FBXL7: variants seen among roughly 807,000 people sequenced by gnomAD.
FBXL7 encodes the protein F-box and leucine rich repeat protein 7.
A neutral mutation model predicts 38.3 loss-of-function variants in FBXL7; 12 were observed. The ratio of observed to expected loss-of-function variants is 0.31; its 90% CI spans 0.20 to 0.51. FBXL7 has a LOEUF of 0.51. Ranked by LOEUF, FBXL7 falls within the 20% of genes least tolerant of loss-of-function variation. The probability of loss-of-function intolerance (pLI) is 0.98; values close to 1 mark genes in which losing one functional copy is unlikely to be tolerated. For missense variants in FBXL7, 567 were observed against 676.4 expected (o/e 0.84, Z 1.79); for synonymous variants, 297 against 300.9 (o/e 0.99, Z 0.13).
At chr5:15,626,639 G>T (rs1287022242) in intron 2 of FBXL7, among the ~76,000 whole-genome samples, 2 of 151,938 alleles carry the variant, frequency 1.3e-5, no homozygotes, top group African/African-American at 4.8e-5. Context: ...AGAGCTCTCA[G>T]TGCCTTTATG....
intron 1 of FBXL7, among the ~76,000 whole-genome samples, chr5:15,540,440 C>T (rs982864701): frequency 1.3e-5 from 2 of 152,168 alleles, no homozygotes; most frequent in East Asian, 1.9e-4. Context: ...CTCCTACCTG[C>T]CTCTCTAACT....
At chr5:15,934,409 C>T (rs761123613) in intron 3 of FBXL7, among the ~76,000 whole-genome samples, 8 of 151,934 alleles carry the variant, frequency 5.3e-5, no homozygotes, top group East Asian at 3.9e-4. Flanking sequence ...GTATACTGTA[C>T]GTGTTTTTAT....
At chr5:15,712,760 G>T (rs1743917629) in intron 2 of FBXL7, among the ~76,000 whole-genome samples, 1 of 152,106 alleles carries the variant, frequency 6.6e-6, no homozygotes, top group Non-Finnish European at 1.5e-5. Flanking sequence ...AATATTGAGG[G>T]TGGCATTGCT....
intron 2 of FBXL7, among the ~76,000 whole-genome samples, chr5:15,619,575 T>C (rs1211210256): frequency 6.6e-6 from 1 of 152,212 alleles, no homozygotes; most frequent in African/African-American, 2.4e-5. Context: ...TTGATTATGG[T>C]TATTTTCTTC....
chr5:15,660,807 G>A (rs1742040630), intron 2 of FBXL7, among the ~76,000 whole-genome samples: 1 of 152,150 alleles, frequency 6.6e-6, no homozygotes, highest in African/African-American at 2.4e-5. Context: ...TAGCCAAGGT[G>A]GGCTGTTAAG....
chr5:15,861,136 G>A (rs184196784), intron 2 of FBXL7, among the ~76,000 whole-genome samples: 7 of 152,178 alleles, frequency 4.6e-5, no homozygotes, highest in African/African-American at 1.7e-4. Flanking sequence ...AGGCCCAGGT[G>A]TGACCATGGC....
At chr5:15,731,885 C>T (rs1297236536) in intron 2 of FBXL7, among the ~76,000 whole-genome samples, 1 of 152,160 alleles carries the variant, frequency 6.6e-6, no homozygotes, top group East Asian at 1.9e-4. Flanking sequence ...CCTTGGACTA[C>T]ATGGATCCTG....
chr5:15,861,146 C>A (rs1561157259), intron 2 of FBXL7, among the ~76,000 whole-genome samples: 1 of 152,164 alleles, frequency 6.6e-6, no homozygotes, highest in African/African-American at 2.4e-5. Context: ...GTGACCATGG[C>A]AGTACTGATA....
chr5:15,870,267 G>C (rs1324860118), intron 2 of FBXL7, among the ~76,000 whole-genome samples: 1 of 152,098 alleles, frequency 6.6e-6, no homozygotes, highest in Admixed American at 6.5e-5. Flanking sequence ...AGGCATTCAG[G>C]GGTTGCATGG....
At chr5:15,715,439 C>T (rs1009257731) in intron 2 of FBXL7, among the ~76,000 whole-genome samples, 4 of 140,822 alleles carry the variant, frequency 2.8e-5, no homozygotes, top group African/African-American at 1.1e-4. Flanking sequence ...TGCAGTGGGC[C>T]GAGATTGCGC....
At chr5:15,822,534 C>A (rs1262924254) in intron 2 of FBXL7, among the ~76,000 whole-genome samples, 1 of 151,684 alleles carries the variant, frequency 6.6e-6, no homozygotes, top group East Asian at 1.9e-4. Flanking sequence ...TCCAGTGGGT[C>A]TCATTATTTT....
intron 2 of FBXL7, among the ~76,000 whole-genome samples, chr5:15,883,287 GAGA>G (rs1480667695): frequency 6.6e-6 from 1 of 152,156 alleles, no homozygotes; most frequent in African/African-American, 2.4e-5. Flanking sequence ...ATCTTTGACA[GAGA>G]AGTTTTAAGG....
At chr5:15,569,453 T>G (rs1330478552) in intron 1 of FBXL7, among the ~76,000 whole-genome samples, 15 of 145,798 alleles carry the variant, frequency 1.0e-4, no homozygotes, top group South Asian at 4.5e-4. Flanking sequence ...ATCCTGAGAC[T>G]TTGCTGAAGT....
chr5:15,702,371 T>G (rs1360431753), intron 2 of FBXL7, among the ~76,000 whole-genome samples: 1 of 152,098 alleles, frequency 6.6e-6, no homozygotes, highest in Non-Finnish European at 1.5e-5. Flanking sequence ...TGCACTCAAA[T>G]GAGCTCAAAT....
chr5:15,894,712 A>G (rs1353401338), intron 2 of FBXL7, among the ~76,000 whole-genome samples: 1 of 152,220 alleles, frequency 6.6e-6, no homozygotes, highest in Non-Finnish European at 1.5e-5. Context: ...ATCTTGACAC[A>G]ATATTTATGA....
At chr5:15,573,590 T>G (rs902947293) in intron 1 of FBXL7, among the ~76,000 whole-genome samples, 1 of 152,150 alleles carries the variant, frequency 6.6e-6, no homozygotes, top group Non-Finnish European at 1.5e-5. Context: ...AGTGTAGAAG[T>G]CACAGTTTGG....
intron 2 of FBXL7, among the ~76,000 whole-genome samples, chr5:15,679,654 T>A (rs188618130): frequency 6.6e-6 from 1 of 152,082 alleles, no homozygotes; most frequent in East Asian, 1.9e-4. Context: ...AAATTACATT[T>A]TTCCTTAAAA....
At chr5:15,797,351 T>TA (rs1287337574) in intron 2 of FBXL7, among the ~76,000 whole-genome samples, 2 of 152,250 alleles carry the variant, frequency 1.3e-5, no homozygotes, top group Non-Finnish European at 2.9e-5. Context: ...TCTCTCTATA[T>TA]AAACATGTGA....
intron 2 of FBXL7, among the ~76,000 whole-genome samples, chr5:15,665,132 T>C (rs1742227356): frequency 1.3e-5 from 2 of 152,148 alleles, no homozygotes; most frequent in Non-Finnish European, 2.9e-5. Flanking sequence ...TTCAGGGAAA[T>C]GGGTGATGAT....
Sources: gnomAD v4.1 joint callset for allele counts (sites outside exome capture counted in the v4.1 genomes callset) on GRCh38, gnomAD v4.1.1 for gene constraint, MANE v1.5 for transcripts, NCBI Gene and HGNC (gene_info 2026-07-23, HGNC 2026-07-21) for gene names.